The following NREP variants were observed in gnomAD, a reference collection of about 807,000 sequenced individuals.
NREP encodes the protein neuronal regeneration-related protein.
Under a neutral mutation model 8.6 loss-of-function variants are expected in NREP, and 5 were observed. The observed-to-expected ratio is 0.58, with a 90% CI of 0.30 to 1.22. The LOEUF (loss-of-function observed/expected upper bound fraction) is 1.22, where lower values mean the gene tolerates loss of function less well. Ranked by LOEUF, NREP falls within the 50% of genes most tolerant of loss-of-function variation. The probability of loss-of-function intolerance (pLI) is 0.07; values close to 1 mark genes in which losing one functional copy is unlikely to be tolerated. For missense variants in NREP, 86 were observed against 82.5 expected (o/e 1.04, Z -0.17); for synonymous variants, 27 against 28.0 (o/e 0.96, Z 0.11).
rs146521216 is a variant in NREP at position 111,922,087 on chromosome 5, C to T, written c.135+53187G>A. On this transcript the variant is annotated intron_variant, in intron 2 of 3. Transcript: ENST00000395634. The stretch of plus-strand genomic sequence containing the variant: ...ATACAATTGGTAAGAAAAGATCATA[C>T]ATACAACATTTCAAAAGGGCTTAAA... 2.0e-3 allele frequency among the ~76,000 whole-genome samples: 298 copies of T among 152,226 alleles called. 3 individuals are homozygous for T. The highest frequency in any genetic ancestry group is 7.0e-3 in the African/African-American group (290 of 41,548).
intron 2 of NREP, among the ~76,000 whole-genome samples, chr5:111,789,898 A>C (rs1052911137): frequency 6.6e-6 from 1 of 152,156 alleles, no homozygotes; most frequent in African/African-American, 2.4e-5. Flanking sequence ...TAAAACTCAA[A>C]ACACATAAAG....
At chr5:111,828,084 G>T (rs1374270295) in intron 2 of NREP, among the ~76,000 whole-genome samples, 1 of 151,608 alleles carries the variant, frequency 6.6e-6, no homozygotes, top group African/African-American at 2.4e-5. Flanking sequence ...AGGCTGGAGT[G>T]CAATGGCACG....
intron 2 of NREP, among the ~76,000 whole-genome samples, chr5:111,890,794 G>T (rs1225234219): frequency 1.3e-5 from 2 of 152,174 alleles, no homozygotes; most frequent in South Asian, 4.1e-4. Context: ...AAGGTAGCAG[G>T]GTCCTGGGCC....
chr5:111,931,166 C>T (rs917407725), intron 2 of NREP, among the ~76,000 whole-genome samples: 1 of 152,042 alleles, frequency 6.6e-6, no homozygotes, highest in Admixed American at 6.6e-5. Flanking sequence ...AATATGTCCA[C>T]AATTCTTTGA....
intron 2 of NREP, chr5:111,975,255 G>C: frequency 6.6e-7 from 1 of 1,519,508 alleles, no homozygotes; most frequent in African/African-American, 1.4e-5. Flanking sequence ...GAGCAAATCA[G>C]GATAGCAGTT....
At position 111,825,360 on chromosome 5, in the gene NREP, G is replaced by A. The variant is rs577254254; in HGVS notation, c.136-89853C>T. On this transcript the variant is annotated intron_variant, in intron 2 of 3. Transcript: ENST00000395634. The stretch of plus-strand genomic sequence containing the variant: ...AGTATTGGGGTGGGAGAATAGGACA[G>A]GTCCACAGCTGCAAACTTCATTATC... 7.2e-5 allele frequency among the ~76,000 whole-genome samples: 11 copies of A among 152,288 alleles called. No individual in the cohort carries two copies. In the East Asian group the frequency reaches 2.1e-3, roughly 29 times the overall value.
chr5:111,840,874 A>G (rs1230650452), intron 2 of NREP, among the ~76,000 whole-genome samples: 2 of 152,018 alleles, frequency 1.3e-5, no homozygotes, highest in South Asian at 4.1e-4. Flanking sequence ...TTCAGAAGAT[A>G]TTTGCGCAAG....
At chr5:111,778,384 C>T (rs1751412916) in intron 2 of NREP, among the ~76,000 whole-genome samples, 2 of 152,132 alleles carry the variant, frequency 1.3e-5, no homozygotes, top group African/African-American at 2.4e-5. Context: ...ATCCTCACTA[C>T]GAGTGAGGAA....
intron 2 of NREP, among the ~76,000 whole-genome samples, chr5:111,822,240 A>T (rs1272846979): frequency 6.6e-6 from 1 of 152,142 alleles, no homozygotes; most frequent in Non-Finnish European, 1.5e-5. Flanking sequence ...GGTCCTGGAG[A>T]GAAGGGGAAT....
At chr5:111,956,316 G>A (rs1402907978) in intron 2 of NREP, among the ~76,000 whole-genome samples, 1 of 151,736 alleles carries the variant, frequency 6.6e-6, no homozygotes, top group African/African-American at 2.4e-5. Flanking sequence ...AACAATAAGG[G>A]GATTTTAAAA....
chr5:111,757,320 C>A (rs971981510), upstream of NREP: 5 of 796,222 alleles, frequency 6.3e-6, no homozygotes, highest in Non-Finnish European at 7.6e-6. Flanking sequence ...AAACCCAAAC[C>A]GGCTTCACTT....
At chr5:111,840,846 C>G (rs1301420768) in intron 2 of NREP, among the ~76,000 whole-genome samples, 1 of 152,010 alleles carries the variant, frequency 6.6e-6, no homozygotes, top group Non-Finnish European at 1.5e-5. Flanking sequence ...AGAGGCAAAT[C>G]CAGTTTATGA....
chr5:111,789,691 AC>A (rs1262443645), intron 2 of NREP, among the ~76,000 whole-genome samples: 3 of 152,126 alleles, frequency 2.0e-5, no homozygotes, highest in Non-Finnish European at 4.4e-5. Flanking sequence ...TCTCTTTCTA[AC>A]CTTGAGGAGG....
chr5:111,863,432 G>T (rs1375842549), intron 2 of NREP, among the ~76,000 whole-genome samples: 2 of 152,168 alleles, frequency 1.3e-5, no homozygotes, highest in African/African-American at 2.4e-5. Flanking sequence ...AATCAGAAAA[G>T]AGGTCTGTGC....
intron 2 of NREP, among the ~76,000 whole-genome samples, chr5:111,749,402 T>C (rs1750212096): frequency 6.6e-6 from 1 of 151,984 alleles, no homozygotes. Context: ...CAAGGTAACA[T>C]TCTGTGCTAT....
intron 2 of NREP, among the ~76,000 whole-genome samples, chr5:111,836,970 G>A (rs1417476728): frequency 3.3e-5 from 5 of 152,002 alleles, no homozygotes; most frequent in Non-Finnish European, 7.4e-5. Flanking sequence ...GAATTGAGAG[G>A]AAGAAAGAAG....
At chr5:111,767,034 C>T (rs1312885572) in intron 2 of NREP, among the ~76,000 whole-genome samples, 5 of 152,120 alleles carry the variant, frequency 3.3e-5, no homozygotes, top group African/African-American at 1.2e-4. Context: ...ACATTCCTCC[C>T]ACCCTAAGAA....
intron 2 of NREP, among the ~76,000 whole-genome samples, chr5:111,917,855 C>G (rs1255137301): frequency 2.6e-5 from 4 of 152,102 alleles, no homozygotes; most frequent in African/African-American, 9.7e-5. Flanking sequence ...GAAGTTCTGG[C>G]CAGGGCAATC....
chr5:111,894,063 T>C (rs1271996440), intron 2 of NREP, among the ~76,000 whole-genome samples: 3 of 151,458 alleles, frequency 2.0e-5, no homozygotes, highest in African/African-American at 4.9e-5. Context: ...ACTAAAAATA[T>C]AAAAAATTAG....
Sources: allele counts gnomAD v4.1 joint callset (sites outside exome capture counted in the v4.1 genomes callset), GRCh38; gene constraint gnomAD v4.1.1; transcripts MANE v1.5; gene names NCBI Gene and HGNC (gene_info 2026-07-23, HGNC 2026-07-21).